The following FBN1 variants were observed in gnomAD, a reference collection of about 807,000 sequenced individuals.
The protein encoded by FBN1 is fibrillin-1.
Under a neutral mutation model 365.1 loss-of-function variants are expected in FBN1, and 29 were observed. The observed-to-expected ratio is 0.08, with a 90% CI of 0.06 to 0.11. The LOEUF (loss-of-function observed/expected upper bound fraction) is 0.11, where lower values mean the gene tolerates loss of function less well. Ranked by LOEUF, FBN1 falls within the 10% of genes least tolerant of loss-of-function variation. The pLI is 1.00. For synonymous variants in FBN1, 1,210 were observed against 1,270.5 expected (o/e 0.95, Z 1.01); for missense variants, 2,476 against 3,703.2 (o/e 0.67, Z 8.60).
intron 8 of FBN1, among the ~76,000 whole-genome samples, chr15:48,532,015 T>C (rs537602476): frequency 1.3e-5 from 2 of 152,350 alleles, no homozygotes; most frequent in African/African-American, 4.8e-5. Context: ...TGGAAAAGGA[T>C]TAAGTAATAG....
intron 50 of FBN1, among the ~76,000 whole-genome samples, chr15:48,438,599 AAAG>A (rs2043090496): frequency 6.6e-6 from 1 of 152,124 alleles, no homozygotes; most frequent in Non-Finnish European, 1.5e-5. Context: ...TAAATTTTTA[AAAG>A]AAGCTTGTTT....
Position 48,610,835 on chromosome 15 carries a change from A to G in FBN1, c.248-9T>C. ...GGAATGCCGGCAAATGGCTGTGAATAAACCAGAGGTCTGTTAGCACATGGA... is the reference window on the plus strand; with the variant it reads ...GGAATGCCGGCAAATGGCTGTGAATGAACCAGAGGTCTGTTAGCACATGGA... On this transcript the variant is annotated splice_polypyrimidine_tract_variant and intron_variant, in intron 3 of 65. Coordinates refer to ENST00000316623, the MANE Select transcript of FBN1 (RefSeq NM_000138.5). 2 of 1,611,318 alleles carry G rather than the reference A, an allele frequency of 1.2e-6. No homozygotes were observed. The highest frequency in any genetic ancestry group is 2.7e-5 in the African/African-American group (2 of 74,980).
At chr15:48,442,748 G>A (rs1238512099) in intron 49 of FBN1, among the ~76,000 whole-genome samples, 1 of 152,112 alleles carries the variant, frequency 6.6e-6, no homozygotes, top group Admixed American at 6.5e-5. Flanking sequence ...GATTACCTAT[G>A]GAAAAATATG....
intron 20 of FBN1, among the ~76,000 whole-genome samples, 191 bp from the exon 21 acceptor site, chr15:48,495,779 T>C (rs1016675972): frequency 6.6e-6 from 1 of 152,238 alleles, no homozygotes; most frequent in Non-Finnish European, 1.5e-5. Context: ...ATCTCTATAG[T>C]ATAGAATACG....
rs1180485046 is a variant in FBN1, at chr15:48,412,710, T to C, written c.8085A>G (p.Gly2695=). The change falls in exon 65 of 66, where the codon GGA becomes GGG. Residue 2695 remains glycine (G), a synonymous_variant. Coordinates refer to ENST00000316623, the MANE Select transcript of FBN1 (RefSeq NM_000138.5). The part of the protein sequence containing the change: ...HCVSGMGMGR[G]NPEPPVSGEM... ...CACCACTGACAGGTGGCTCTGGGTT[T>C]CCTCGGCCCATGCCCATTCCAGAAA... is the stretch of plus-strand genomic sequence containing the variant. 2 of 1,614,252 alleles carry C rather than the reference T, an allele frequency of 1.2e-6. No individual in the cohort carries two copies. Among genetic ancestry groups the C allele is most frequent in the South Asian group, 1.1e-5 (1 of 91,088 alleles).
intron 6 of FBN1, among the ~76,000 whole-genome samples, chr15:48,575,875 T>C (rs2044343159): frequency 6.8e-6 from 1 of 147,084 alleles, no homozygotes; most frequent in Non-Finnish European, 1.5e-5. Context: ...TAAAAAAGAA[T>C]AAAATCATGT....
At chr15:48,445,147 T>C (rs1030701501) in intron 48 of FBN1, among the ~76,000 whole-genome samples, 6 of 107,488 alleles carry the variant, frequency 5.6e-5, no homozygotes, top group South Asian at 2.7e-4. Context: ...CACACACACA[T>C]ATATATATAC....
intron 4 of FBN1, among the ~76,000 whole-genome samples, chr15:48,607,553 T>C (rs2044624161): frequency 1.3e-5 from 2 of 151,098 alleles, no homozygotes; most frequent in South Asian, 4.2e-4. Context: ...GGGAGACCTG[T>C]TTGTCCCTTC....
At chr15:48,441,491 G>C (rs183925647) in intron 50 of FBN1, among the ~76,000 whole-genome samples, 1 of 152,068 alleles carries the variant, frequency 6.6e-6, no homozygotes, top group African/African-American at 2.4e-5. Flanking sequence ...GTGGGAGAGA[G>C]GTTTATGTGT....
chr15:48,434,495 T>A, intron 54 of FBN1, 99 bp downstream of exon 54: 1 of 1,461,806 alleles, frequency 6.8e-7, no homozygotes, highest in Non-Finnish European at 9.6e-7. Context: ...ATCTTTATTA[T>A]ATACACCCTG....
At chr15:48,453,682 A>T (rs2043218951) in intron 44 of FBN1, among the ~76,000 whole-genome samples, 1 of 152,178 alleles carries the variant, frequency 6.6e-6, no homozygotes, top group Admixed American at 6.5e-5. Flanking sequence ...GTCAACGGAG[A>T]TTCAATTGTA....
At chr15:48,516,061 AC>A in intron 11 of FBN1, 121 bp downstream of exon 11, 2 of 1,023,406 alleles carry the variant, frequency 2.0e-6, no homozygotes, top group South Asian at 3.0e-5. Context: ...CATTATGTAA[AC>A]CAAAAATTAA....
chr15:48,506,370 G>A (rs1266099625), intron 15 of FBN1, among the ~76,000 whole-genome samples: 1 of 152,216 alleles, frequency 6.6e-6, no homozygotes, highest in Non-Finnish European at 1.5e-5. Context: ...TACTTAGCTT[G>A]TGTTGTTTGG....
At chr15:48,447,121 C>T (rs2043166274) in intron 46 of FBN1, among the ~76,000 whole-genome samples, 1 of 152,266 alleles carries the variant, frequency 6.6e-6, no homozygotes, top group East Asian at 1.9e-4. Context: ...TCCACCCTTG[C>T]CACTTTTCTC....
intron 6 of FBN1, among the ~76,000 whole-genome samples, chr15:48,567,795 CAGAA>C: frequency 6.6e-6 from 1 of 151,848 alleles, no homozygotes. Context: ...AAAACATAAA[CAGAA>C]AGAAACTACC....
chr15:48,524,616 G>A (rs2141341449), intron 9 of FBN1, among the ~76,000 whole-genome samples: 1 of 152,260 alleles, frequency 6.6e-6, no homozygotes, highest in South Asian at 2.1e-4. Context: ...TGGCAAGAAA[G>A]AGTGAACTGC....
At chr15:48,630,108 T>C (rs1889956741) in intron 2 of FBN1, among the ~76,000 whole-genome samples, 1 of 152,244 alleles carries the variant, frequency 6.6e-6, no homozygotes, top group Non-Finnish European at 1.5e-5. Context: ...ACAATTAACA[T>C]GTCGGTCCAG....
At chr15:48,643,941 C>T (rs1339196277) in intron 2 of FBN1, 2 of 152,316 alleles carry the variant, frequency 1.3e-5, no homozygotes, top group Non-Finnish European at 2.9e-5. Context: ...TGCATGTACA[C>T]AACACAAACA....
chr15:48,428,347 A>G lies in FBN1; in HGVS notation c.6996T>C (p.Leu2332=), dbSNP rs1338271976. ...FTASPNQDEC[L]DNREGYCFTE... ...AAGTGCGGTGCCAACTGTACTCACC[A>G]AGGCACTCGTCCTGGTTGGGGCTGG... Residue 2332 remains leucine (L), a splice_region_variant and synonymous_variant, in exon 57 of 66, where the codon CTT becomes CTC. Coordinates refer to ENST00000316623, the MANE Select transcript of FBN1 (RefSeq NM_000138.5). 1 of 1,614,082 alleles carries G rather than the reference A, an allele frequency of 6.2e-7. No individual in the cohort carries two copies. The highest frequency in any genetic ancestry group is 8.5e-7 in the Non-Finnish European group (1 of 1,179,978).
Sources: allele counts gnomAD v4.1 joint callset (sites outside exome capture counted in the v4.1 genomes callset), GRCh38; gene constraint gnomAD v4.1.1; transcripts MANE v1.5; gene names NCBI Gene and HGNC (gene_info 2026-07-23, HGNC 2026-07-21).